CDH12: variants seen among roughly 807,000 people sequenced by gnomAD.
CDH12 encodes the protein cadherin 12.
In CDH12, 41 loss-of-function variants were observed where a neutral mutation model predicts 74.1. The observed-to-expected ratio is 0.55, with a 90% confidence interval of 0.43 to 0.72. The LOEUF (loss-of-function observed/expected upper bound fraction) is 0.72, where lower values mean the gene tolerates loss of function less well. Ranked by LOEUF, CDH12 falls within the 30% of genes least tolerant of loss-of-function variation. The pLI, the probability that CDH12 is intolerant of heterozygous loss-of-function variation, is 0.00. For synonymous variants in CDH12, 399 were observed against 355.0 expected (o/e 1.12, Z -1.39); for missense variants, 945 against 977.2 (o/e 0.97, Z 0.44).
intron 3 of CDH12, among the ~76,000 whole-genome samples, chr5:22,219,847 G>C (rs1751951109): frequency 6.6e-6 from 1 of 151,694 alleles, no homozygotes; most frequent in African/African-American, 2.4e-5. Context: ...AGTGCAGATG[G>C]AGTAGTAAGA....
intron 5 of CDH12, among the ~76,000 whole-genome samples, chr5:22,006,038 A>T (rs1336296480): frequency 6.6e-6 from 1 of 152,080 alleles, no homozygotes; most frequent in Non-Finnish European, 1.5e-5. Context: ...TTGGAAACAT[A>T]TTTCTTTGGC....
At chr5:22,239,416 C>T (rs931320027) in intron 3 of CDH12, among the ~76,000 whole-genome samples, 1 of 151,366 alleles carries the variant, frequency 6.6e-6, no homozygotes, top group East Asian at 1.9e-4. Flanking sequence ...TATTCAATAA[C>T]ATCAGAATTC....
rs145508665 is a variant in CDH12 at position 22,101,996 on chromosome 5, A to C, written c.-186-23134T>G. 4.7e-3 allele frequency among the ~76,000 whole-genome samples: 715 copies of C among 152,312 alleles called. 4 individuals carry two copies. The highest frequency in any genetic ancestry group is 0.016 in the African/African-American group (658 of 41,588). ...ATAGTGCCATATTTACAAAATCAGG[A>C]AATGACCTGGATTTGACTAGGGGCC... is the stretch of plus-strand genomic sequence containing the variant. On this transcript the variant is annotated intron_variant, in intron 4 of 14. Coordinates refer to ENST00000382254, the MANE Select transcript of CDH12 (RefSeq NM_004061.5).
chr5:22,591,808 G>A (rs148474675), intron 1 of CDH12, among the ~76,000 whole-genome samples: 1 of 152,130 alleles, frequency 6.6e-6, no homozygotes, highest in East Asian at 1.9e-4. Context: ...TCATCACCCA[G>A]GATATACAGT....
At position 21,972,328 on chromosome 5, in the gene CDH12, A is replaced by G. The variant is rs1756887277; in HGVS notation, c.526+2763T>C. ...AAGTTATTTCATAGGGAATACTTCA[A>G]ACACTGATATCTACAACAGGCAGTA... On this transcript the variant is annotated intron_variant, in intron 6 of 14. Transcript: ENST00000382254. Among the ~76,000 whole-genome samples, 3 of 152,150 alleles carry G rather than the reference A, an allele frequency of 2.0e-5. No homozygotes were observed. The South Asian group carries it at 6.2e-4, about 32-fold the overall frequency.
chr5:22,594,056 C>A (rs1204185857), intron 1 of CDH12, among the ~76,000 whole-genome samples: 1 of 152,118 alleles, frequency 6.6e-6, no homozygotes, highest in Non-Finnish European at 1.5e-5. Flanking sequence ...GTGTTCAAAC[C>A]CATGTGGTCT....
chr5:22,516,598 C>T (rs897326384), intron 1 of CDH12, among the ~76,000 whole-genome samples: 16 of 152,040 alleles, frequency 1.1e-4, no homozygotes, highest in Non-Finnish European at 1.8e-4. Context: ...AGTTCGAGAC[C>T]AGCCTGGGCA....
intron 6 of CDH12, among the ~76,000 whole-genome samples, chr5:21,885,078 G>T (rs1489524296): frequency 1.3e-5 from 2 of 151,930 alleles, no homozygotes; most frequent in African/African-American, 4.8e-5. Flanking sequence ...GTAGAGATGG[G>T]GTTTCTCCAT....
intron 2 of CDH12, among the ~76,000 whole-genome samples, chr5:22,470,497 C>T (rs945617456): frequency 3.3e-5 from 5 of 151,926 alleles, no homozygotes; most frequent in African/African-American, 1.2e-4. Flanking sequence ...TAGCTCACTG[C>T]AGCCTGGAAC....
intron 3 of CDH12, among the ~76,000 whole-genome samples, chr5:22,223,071 T>C (rs1285545192): frequency 6.6e-6 from 1 of 152,036 alleles, no homozygotes. Context: ...CATATCATTA[T>C]TAAGTGGACG....
chr5:22,276,231 AAGCAGTAT>A (rs1561275524), intron 3 of CDH12, among the ~76,000 whole-genome samples: 1 of 152,208 alleles, frequency 6.6e-6, no homozygotes, highest in African/African-American at 2.4e-5. Context: ...AGTAAAGTAT[AAGCAGTAT>A]CTTCGGACAA....
chr5:22,716,958 C>G (rs1479817183), intron 1 of CDH12, among the ~76,000 whole-genome samples: 4 of 151,942 alleles, frequency 2.6e-5, no homozygotes, highest in Non-Finnish European at 5.9e-5. Flanking sequence ...TATAGCTGTA[C>G]AATGTGTTTG....
intron 1 of CDH12, among the ~76,000 whole-genome samples, chr5:22,845,524 T>TA (rs1297382797): frequency 6.6e-6 from 1 of 152,108 alleles, no homozygotes; most frequent in Non-Finnish European, 1.5e-5. Flanking sequence ...GTGCGACTAT[T>TA]ATAGGGCTTT....
chr5:22,313,513 T>C (rs1461109573), intron 3 of CDH12, among the ~76,000 whole-genome samples: 1 of 152,212 alleles, frequency 6.6e-6, no homozygotes, highest in African/African-American at 2.4e-5. Flanking sequence ...GTTCTAAAAG[T>C]CTCATTTCTT....
intron 4 of CDH12, chr5:22,141,025 A>G (rs544175504): frequency 1.3e-5 from 2 of 152,316 alleles, no homozygotes; most frequent in African/African-American, 4.8e-5. Context: ...CCTAGTGGAC[A>G]ACAAGGCACT....
At chr5:22,343,335 G>C (rs879778834) in intron 3 of CDH12, among the ~76,000 whole-genome samples, 7,340 of 139,644 alleles carry the variant, frequency 0.053, 228 homozygotes, top group South Asian at 0.099. Context: ...GAGAGAGAGA[G>C]AGAGAGAGAG....
intron 1 of CDH12, among the ~76,000 whole-genome samples, chr5:22,654,880 C>A (rs532816773): frequency 6.6e-6 from 1 of 152,224 alleles, no homozygotes; most frequent in East Asian, 1.9e-4. Flanking sequence ...ATCTGCCTGC[C>A]TCAGCCTCTC....
intron 6 of CDH12, among the ~76,000 whole-genome samples, chr5:21,876,325 CTT>C (rs933878145): frequency 6.6e-6 from 1 of 152,162 alleles, no homozygotes; most frequent in African/African-American, 2.4e-5. Context: ...TTTACAGACT[CTT>C]TTTCCTCTCT....
At chr5:22,785,897 A>G (rs1045859992) in intron 1 of CDH12, among the ~76,000 whole-genome samples, 1 of 152,190 alleles carries the variant, frequency 6.6e-6, no homozygotes, top group Non-Finnish European at 1.5e-5. Context: ...ATCATTGGAA[A>G]AGACGTGGCA....
Sources: gnomAD v4.1 joint callset for allele counts (sites outside exome capture counted in the v4.1 genomes callset) on GRCh38, gnomAD v4.1.1 for gene constraint, MANE v1.5 for transcripts, NCBI Gene and HGNC (gene_info 2026-07-23, HGNC 2026-07-21) for gene names.